The following CEP350 variants were observed in gnomAD, a reference collection of about 807,000 sequenced individuals.
CEP350 encodes the protein centrosome-associated protein 350.
Under a neutral mutation model 331.8 loss-of-function variants are expected in CEP350, and 126 were observed. The observed-to-expected ratio is 0.38, with a 90% CI of 0.33 to 0.44. CEP350 has a LOEUF of 0.44. Among genes scored for constraint, CEP350 ranks in the 20% least tolerant of loss-of-function variants. CEP350 has a pLI of 1.00. For synonymous variants in CEP350, 1,200 were observed against 1,259.5 expected (o/e 0.95, Z 1.00); for missense variants, 3,406 against 3,634.6 (o/e 0.94, Z 1.62).
intron 12 of CEP350, 39 bp downstream of exon 12, chr1:180,021,048 A>G (rs1216913611): frequency 3.5e-6 from 5 of 1,420,024 alleles, no homozygotes; most frequent in Non-Finnish European, 2.8e-6. Context: ...TTTGTATATT[A>G]AGATGAATTA....
intron 1 of CEP350, among the ~76,000 whole-genome samples, chr1:179,958,176 C>A (rs928484474): frequency 2.6e-5 from 4 of 151,716 alleles, no homozygotes; most frequent in African/African-American, 9.7e-5. Flanking sequence ...TTTCATGAAT[C>A]CAAAGTGTTA....
At chr1:179,993,834 T>A (rs1653274001) in intron 5 of CEP350, among the ~76,000 whole-genome samples, 1 of 152,210 alleles carries the variant, frequency 6.6e-6, no homozygotes. Flanking sequence ...ATTCCTCACT[T>A]AAAACTCTTA....
At position 179,996,577 on chromosome 1, in the gene CEP350, T is replaced by C. The variant is rs1653471679; in HGVS notation, c.420T>C (p.Asn140=). 1 of 1,571,762 alleles carries C rather than the reference T, an allele frequency of 6.4e-7. No homozygotes were observed. The highest frequency in any genetic ancestry group is 1.4e-5 in the African/African-American group (1 of 74,052). The change falls in exon 6 of 38, where the codon AAT becomes AAC. Residue 140 remains asparagine (N), a synonymous_variant. Transcript: ENST00000367607. ...GGGAAATCCATGGTGCACCTTCCAA[T>C]TTCAGTTCCAGCCATCTGGAATCAA... ...SYREIHGAPS[N]FSSSHLESKH... is the part of the protein sequence containing the mutation.
At position 180,069,408 on chromosome 1, in the gene CEP350, T is replaced by G. The variant is rs114738086; in HGVS notation, c.5567+4136T>G. Among the ~76,000 whole-genome samples the G allele has an allele frequency of 6.4e-3, 976 of 152,324 alleles. 4 individuals are homozygous for G. The highest frequency in any genetic ancestry group is 8.1e-3 in the South Asian group (39 of 4,824). ...TGAAGGATTTTCAAGAGAAGGCTTT[T>G]GATATTCCATTAAAGGAGATATTTT... On this transcript the variant is annotated intron_variant, in intron 27 of 37. Transcript: ENST00000367607.
At chr1:180,048,958 C>T (rs1169842217) in intron 22 of CEP350, among the ~76,000 whole-genome samples, 2 of 151,988 alleles carry the variant, frequency 1.3e-5, no homozygotes, top group African/African-American at 4.8e-5. Flanking sequence ...GGTCCTAGTA[C>T]GTGGGAGGCT....
At chr1:179,988,779 A>G (rs1322294408) in intron 3 of CEP350, among the ~76,000 whole-genome samples, 1 of 151,832 alleles carries the variant, frequency 6.6e-6, no homozygotes, top group Non-Finnish European at 1.5e-5. Flanking sequence ...TAAGTATTTC[A>G]GTGATATTTT....
intron 1 of CEP350, among the ~76,000 whole-genome samples, chr1:179,960,820 TCTG>T (rs2148532293): frequency 1.3e-5 from 2 of 152,258 alleles, no homozygotes; most frequent in African/African-American, 4.8e-5. Flanking sequence ...TATTTTTCGA[TCTG>T]CTACTAAGTT....
chr1:180,111,878 G>T lies in CEP350; in HGVS notation c.*717G>T, dbSNP rs1661481728. The T allele has an allele frequency of 6.6e-6, 1 of 152,584 alleles. No homozygotes were observed. Among genetic ancestry groups the T allele is most frequent in the Non-Finnish European group, 1.5e-5 (1 of 68,060 alleles). The allele number at this position is 152,584 out of a possible 1,614,324, so 9.5% of individuals were successfully genotyped here. On this transcript the variant is annotated 3_prime_UTR_variant, in exon 38 of 38. Coordinates refer to ENST00000367607, the MANE Select transcript of CEP350 (RefSeq NM_014810.5). ...TGAAGACTGGGCTCAAAGGACCAATGCAGGGCTGGTTCTTTTACCCCTTGG... is the reference window on the plus strand; with the variant it reads ...TGAAGACTGGGCTCAAAGGACCAATTCAGGGCTGGTTCTTTTACCCCTTGG...
chr1:180,054,730 C>T (rs1012505858), intron 25 of CEP350, among the ~76,000 whole-genome samples: 6 of 152,090 alleles, frequency 3.9e-5, no homozygotes, highest in Non-Finnish European at 7.4e-5. Context: ...AATACACAGG[C>T]AAACTTTCTA....
At chr1:179,969,302 A>T in intron 1 of CEP350, 1 of 499,652 alleles carries the variant, frequency 2.0e-6, no homozygotes, top group South Asian at 1.5e-5. Flanking sequence ...CGCTGTGACC[A>T]AGGAAGAATT....
At chr1:179,956,361 CTT>C (rs569314468) in intron 1 of CEP350, among the ~76,000 whole-genome samples, 192 of 152,274 alleles carry the variant, frequency 1.3e-3, no homozygotes, top group African/African-American at 4.4e-3. Context: ...CTCTGTATCT[CTT>C]CATCCTCAGT....
intron 1 of CEP350, among the ~76,000 whole-genome samples, chr1:179,977,068 ATCCTT>A (rs1651922911): frequency 6.6e-6 from 1 of 152,092 alleles, no homozygotes; most frequent in South Asian, 2.1e-4. Context: ...TCCGTTGCTT[ATCCTT>A]TCAATTCCAA....
At chr1:179,957,309 A>G (rs1650239660) in intron 1 of CEP350, among the ~76,000 whole-genome samples, 1 of 152,194 alleles carries the variant, frequency 6.6e-6, no homozygotes, top group Admixed American at 6.5e-5. Flanking sequence ...TTCTCTGCAT[A>G]TAATTGTGAT....
At position 180,022,812 on chromosome 1, in the gene CEP350, G is replaced by A. The variant is rs1655414463; in HGVS notation, c.3350G>A (p.Gly1117Glu). 2 of 1,596,630 alleles carry A rather than the reference G, an allele frequency of 1.3e-6. No homozygotes were observed. The highest frequency in any genetic ancestry group is 1.7e-5 in the Admixed American group (1 of 57,290). The change falls in exon 13 of 38, where the codon GGG (glycine) becomes GAG (glutamate). Residue 1117 changes from glycine to glutamate, a missense_variant. Physicochemically the swap from Gly to Glu is moderately conservative, Grantham distance 98. Around this residue, in one of 5 missense-constraint regions of CEP350, gnomAD observed 1,857 missense variants for 1,909.2 expected, o/e 0.97. Coordinates refer to ENST00000367607, the MANE Select transcript of CEP350 (RefSeq NM_014810.5). ...GATTTTGTCTCCTCTCCAGGGACTG[G>A]GACTTCGACAGAAAAAAAATCAACT... ...EDDFVSSPGT[G>E]TSTEKKSTLE...
At chr1:180,097,895 A>G (rs1268459660) in intron 36 of CEP350, among the ~76,000 whole-genome samples, 1 of 152,170 alleles carries the variant, frequency 6.6e-6, no homozygotes, top group African/African-American at 2.4e-5. Context: ...GATTTTTCCA[A>G]TTCAGAGATT....
At chr1:179,984,111 A>G (rs570190586) in intron 1 of CEP350, among the ~76,000 whole-genome samples, 1 of 152,242 alleles carries the variant, frequency 6.6e-6, no homozygotes, top group African/African-American at 2.4e-5. Context: ...CTTTGCAGAT[A>G]CTGTTCTAGG....
intron 1 of CEP350, among the ~76,000 whole-genome samples, chr1:179,979,050 A>G (rs1202665966): frequency 6.6e-6 from 1 of 152,170 alleles, no homozygotes; most frequent in Non-Finnish European, 1.5e-5. Flanking sequence ...ATATCTCTTC[A>G]GTATACCGAT....
chr1:180,068,026 AT>A (rs1269232521), intron 27 of CEP350, among the ~76,000 whole-genome samples: 1 of 152,214 alleles, frequency 6.6e-6, no homozygotes, highest in African/African-American at 2.4e-5. Flanking sequence ...TGTTCCATAG[AT>A]TTGCAAAGGC....
chr1:180,093,278 A>T lies in CEP350; in HGVS notation c.7173A>T (p.Glu2391Asp). 2.5e-6 allele frequency: 4 copies of T among 1,599,144 alleles called. No homozygotes were observed. Among genetic ancestry groups the T allele is most frequent in the Non-Finnish European group, 3.4e-6 (4 of 1,171,906 alleles). ...CTTTCAAGAAAGAAATTTCAGCTGA[A>T]TTGTACAAAGATGATTTTGAGGTGT... ...VSSFKKEISA[E>D]LYKDDFEVSS... Residue 2391 changes from glutamate (E) to aspartate (D), a missense_variant, in exon 34 of 38, where the codon GAA becomes GAT. Physicochemically the swap from Glu to Asp is conservative, Grantham distance 45. Around this residue, in one of 5 missense-constraint regions of CEP350, gnomAD observed 1,415 missense variants for 1,512.3 expected, o/e 0.94. Coordinates refer to ENST00000367607, the MANE Select transcript of CEP350 (RefSeq NM_014810.5).
Sources: allele counts gnomAD v4.1 joint callset (sites outside exome capture counted in the v4.1 genomes callset), GRCh38; gene constraint gnomAD v4.1.1; regional missense constraint gnomAD v4.1.1; transcripts MANE v1.5; gene names NCBI Gene and HGNC (gene_info 2026-07-23, HGNC 2026-07-21).